Variants in TGM3 observed in about 807,000 individuals in gnomAD.
TGM3 encodes the protein protein-glutamine gamma-glutamyltransferase E.
Under a neutral mutation model 73.8 loss-of-function variants are expected in TGM3, and 52 were observed. The observed-to-expected ratio is 0.70, with a 90% CI of 0.56 to 0.89. TGM3 has a LOEUF of 0.89. Ranked by LOEUF, TGM3 falls within the 40% of genes least tolerant of loss-of-function variation. The probability of loss-of-function intolerance (pLI) is 0.00; values close to 1 mark genes in which losing one functional copy is unlikely to be tolerated. For synonymous variants in TGM3, 372 were observed against 354.9 expected (o/e 1.05, Z -0.54); for missense variants, 928 against 909.9 (o/e 1.02, Z -0.26).
intron 11 of TGM3, 71 bp downstream of exon 11, chr20:2,335,344 T>C (rs1288670939): frequency 1.3e-6 from 2 of 1,577,966 alleles, no homozygotes; most frequent in Non-Finnish European, 1.7e-6. Context: ...AGCCCCACTG[T>C]CCCTGTGAGC....
intron 9 of TGM3, among the ~76,000 whole-genome samples, chr20:2,330,000 G>A (rs1256334999): frequency 1.3e-5 from 2 of 151,966 alleles, no homozygotes; most frequent in African/African-American, 4.8e-5. Flanking sequence ...ATCTCTGGCT[G>A]TCTCAGCCAA....
chr20:2,320,209 GC>G (rs1464538410), intron 7 of TGM3, among the ~76,000 whole-genome samples: 1 of 152,198 alleles, frequency 6.6e-6, no homozygotes, highest in Non-Finnish European at 1.5e-5. Flanking sequence ...TTAGAACCGT[GC>G]CCAGATTTGC....
rs1394795181 is a variant in TGM3, at chr20:2,334,884, T to G, written c.1643-232T>G. Among the ~76,000 whole-genome samples the G allele has an allele frequency of 6.6e-6, 1 of 152,164 alleles. No individual in the cohort carries two copies. Among genetic ancestry groups the G allele is most frequent in the Non-Finnish European group, 1.5e-5 (1 of 68,028 alleles). Reference sequence around the variant, plus strand: ...TTTAGCCCCTGTGAGCCCATCCTCCTGGGAATCTGCCCAGCCAGAGAGAGT... The same window carrying G: ...TTTAGCCCCTGTGAGCCCATCCTCCGGGGAATCTGCCCAGCCAGAGAGAGT... On this transcript the variant is annotated intron_variant, in intron 10 of 12. Coordinates refer to ENST00000381458, the MANE Select transcript of TGM3 (RefSeq NM_003245.4). The surrounding 1 kb of genome is among the most constrained non-coding windows in gnomAD (Gnocchi z 4.0).
At chr20:2,308,121 C>T (rs2084184730) in intron 1 of TGM3, among the ~76,000 whole-genome samples, 1 of 152,104 alleles carries the variant, frequency 6.6e-6, no homozygotes, top group South Asian at 2.1e-4. Context: ...ACTAGGGAGG[C>T]TGAAGTGGGA....
intron 1 of TGM3, among the ~76,000 whole-genome samples, chr20:2,303,576 A>G (rs1384615735): frequency 3.9e-5 from 6 of 152,160 alleles, no homozygotes; most frequent in Non-Finnish European, 7.3e-5. Context: ...TCGATTTTTT[A>G]AAAGAGAGAG....
chr20:2,315,894 G>A (rs1452480219), intron 5 of TGM3, among the ~76,000 whole-genome samples: 1 of 152,184 alleles, frequency 6.6e-6, no homozygotes, highest in Non-Finnish European at 1.5e-5. Context: ...TTATGGAAAA[G>A]TTCAGACCTA....
At chr20:2,335,442 T>C (rs2084344717) in intron 11 of TGM3, among the ~76,000 whole-genome samples, 169 bp downstream of exon 11, 1 of 152,174 alleles carries the variant, frequency 6.6e-6, no homozygotes, top group Non-Finnish European at 1.5e-5. Context: ...CTCTGCCAAA[T>C]AGCCAAGAGC....
At chr20:2,315,894 G>T (rs1452480219) in intron 5 of TGM3, among the ~76,000 whole-genome samples, 5 of 152,184 alleles carry the variant, frequency 3.3e-5, no homozygotes, top group African/African-American at 4.8e-5. Flanking sequence ...TTATGGAAAA[G>T]TTCAGACCTA....
chr20:2,340,465 CGGG>C lies in TGM3; in HGVS notation c.1967_1969del (p.Arg656_Val657delinsLeu). Reference sequence around the variant, plus strand: ...GACCCTAGGGCCCAAGGAGGGGTCCCGGGTCCGTTTTGATATCCTGCCCTCCCG... The same window carrying C: ...GACCCTAGGGCCCAAGGAGGGGTCCCTCCGTTTTGATATCCTGCCCTCCCG... On this transcript the variant is annotated inframe_deletion, in exon 13 of 13. Coordinates refer to ENST00000381458, the MANE Select transcript of TGM3 (RefSeq NM_003245.4). The C allele has an allele frequency of 6.2e-7, 1 of 1,614,042 alleles. No individual in the cohort carries two copies.
chr20:2,335,054 G>T (rs2084341482), intron 10 of TGM3, 62 bp from the exon 11 acceptor site: 1 of 1,595,386 alleles, frequency 6.3e-7, no homozygotes, highest in Non-Finnish European at 8.6e-7. Context: ...CATCTGTTCT[G>T]AGGAAGGTTC....
chr20:2,339,998 G>A lies in TGM3; in HGVS notation c.1934+11G>A. 1 of 1,466,786 alleles carries A rather than the reference G, an allele frequency of 6.8e-7. No individual in the cohort carries two copies. Among genetic ancestry groups the A allele is most frequent in the South Asian group, 1.2e-5 (1 of 85,968 alleles). 90.9% of individuals were successfully genotyped at this position (1,466,786 alleles called of 1,614,324 possible). A position where few individuals can be genotyped will look rare whatever the true frequency, so the allele number is the denominator to read the frequency against. On this transcript the variant is annotated intron_variant, in intron 12 of 12. Coordinates refer to ENST00000381458, the MANE Select transcript of TGM3 (RefSeq NM_003245.4). ...TAACCTGAAGATCGAGTGAGTCCTG[G>A]GCCTAAGTGGCCGGTGCAGGAGGGC...
chr20:2,303,461 C>T (rs1568621650), intron 1 of TGM3, among the ~76,000 whole-genome samples: 1 of 151,922 alleles, frequency 6.6e-6, no homozygotes, highest in African/African-American at 2.4e-5. Context: ...AAAAGCTCTG[C>T]CACTAGATAG....
chr20:2,338,503 G>T (rs1474308197), intron 11 of TGM3, among the ~76,000 whole-genome samples: 1 of 152,164 alleles, frequency 6.6e-6, no homozygotes, highest in Non-Finnish European at 1.5e-5. Context: ...TGGAAGAAAT[G>T]AAAATATAGA....
chr20:2,327,954 A>AG (rs1325976784), intron 8 of TGM3, among the ~76,000 whole-genome samples, 166 bp from the exon 9 acceptor site: 1 of 152,082 alleles, frequency 6.6e-6, no homozygotes, highest in South Asian at 2.1e-4. Context: ...ATAGCCCGGG[A>AG]GGGTCTCTGC....
At chr20:2,296,215 C>G (rs1027208085) in intron 1 of TGM3, 145 bp downstream of exon 1, 2 of 956,102 alleles carry the variant, frequency 2.1e-6, no homozygotes, top group Non-Finnish European at 3.2e-6. Context: ...AGGGTGCTAG[C>G]CAGAGGCGGC....
Position 2,340,701 on chromosome 20 carries a change from C to A in TGM3, c.*120C>A. ...AAACCCTCTCCATCTCCCAAGGCTG[C>A]CAGACATGGACCTCCAGGCTCCAGC... is the stretch of plus-strand genomic sequence containing the variant. On this transcript the variant is annotated 3_prime_UTR_variant, in exon 13 of 13. Transcript: ENST00000381458. 4 of 1,364,678 alleles carry A rather than the reference C, an allele frequency of 2.9e-6. No homozygotes were observed. The highest frequency in any genetic ancestry group is 3.1e-6 in the Non-Finnish European group (3 of 982,688). The allele number at this position is 1,364,678 out of a possible 1,614,324, so 84.5% of individuals were successfully genotyped here. A position where few individuals can be genotyped will look rare whatever the true frequency, so the allele number is the denominator to read the frequency against.
At chr20:2,307,759 A>G (rs999228446) in intron 1 of TGM3, among the ~76,000 whole-genome samples, 2 of 152,176 alleles carry the variant, frequency 1.3e-5, no homozygotes, top group African/African-American at 4.8e-5. Flanking sequence ...ATTTTTATTG[A>G]ATGAATACTT....
At chr20:2,302,018 T>C (rs2084151002) in intron 1 of TGM3, among the ~76,000 whole-genome samples, 1 of 152,158 alleles carries the variant, frequency 6.6e-6, no homozygotes, top group Non-Finnish European at 1.5e-5. Context: ...AGCATTTCTG[T>C]CAGCCCTCAT....
intron 7 of TGM3, among the ~76,000 whole-genome samples, chr20:2,319,058 G>GAT (rs1364531183): frequency 6.6e-6 from 1 of 152,180 alleles, no homozygotes; most frequent in African/African-American, 2.4e-5. Flanking sequence ...TCTCTCTAAT[G>GAT]ATATTGCTTA....
Sources: gnomAD v4.1 joint callset for allele counts (sites outside exome capture counted in the v4.1 genomes callset) on GRCh38, gnomAD v4.1.1 for gene constraint, Gnocchi (gnomAD v3.1) non-coding constraint, MANE v1.5 for transcripts, NCBI Gene and HGNC (gene_info 2026-07-23, HGNC 2026-07-21) for gene names.